Variants in FRMD4A observed in about 807,000 individuals in gnomAD.
The protein encoded by FRMD4A is FERM domain-containing protein 4A.
Under a neutral mutation model 129.1 loss-of-function variants are expected in FRMD4A, and 29 were observed. The observed-to-expected ratio is 0.22, with a 90% CI of 0.17 to 0.31. FRMD4A has a LOEUF of 0.31. Among genes scored for constraint, FRMD4A ranks in the 10% least tolerant of loss-of-function variants. The pLI, the probability that FRMD4A is intolerant of heterozygous loss-of-function variation, is 1.00. For missense variants in FRMD4A, 1,272 were observed against 1,375.8 expected (o/e 0.92, Z 1.19); for synonymous variants, 634 against 571.6 (o/e 1.11, Z -1.56).
chr10:14,292,570 C>T (rs1845881948), intron 2 of FRMD4A, among the ~76,000 whole-genome samples: 1 of 152,150 alleles, frequency 6.6e-6, no homozygotes, highest in Admixed American at 6.5e-5. Flanking sequence ...GAGGCCAAGG[C>T]CAGTGGATCA....
intron 2 of FRMD4A, among the ~76,000 whole-genome samples, chr10:13,944,755 G>A (rs547343613): frequency 6.6e-6 from 1 of 152,182 alleles, no homozygotes; most frequent in African/African-American, 2.4e-5. Flanking sequence ...CATTCTGAAA[G>A]TTCCTTCCGT....
intron 2 of FRMD4A, among the ~76,000 whole-genome samples, chr10:14,260,087 G>C (rs1844748139): frequency 6.6e-6 from 1 of 151,880 alleles, no homozygotes; most frequent in South Asian, 2.1e-4. Context: ...GACTTAAAGG[G>C]AAGGCTATCA....
intron 3 of FRMD4A, among the ~76,000 whole-genome samples, chr10:13,831,396 C>T (rs1476274679): frequency 2.0e-5 from 3 of 152,134 alleles, no homozygotes; most frequent in African/African-American, 7.2e-5. Flanking sequence ...CTGCAGTGAG[C>T]TATGATTGCA....
intron 2 of FRMD4A, among the ~76,000 whole-genome samples, chr10:13,920,349 A>G (rs1207355777): frequency 6.6e-6 from 1 of 152,240 alleles, no homozygotes; most frequent in Non-Finnish European, 1.5e-5. Flanking sequence ...CTCAAAAGCT[A>G]TGATGAGGTT....
chr10:13,932,771 T>A (rs2095212359), intron 2 of FRMD4A, among the ~76,000 whole-genome samples: 1 of 152,120 alleles, frequency 6.6e-6, no homozygotes, highest in Non-Finnish European at 1.5e-5. Context: ...TCATTATAAT[T>A]AAAAAATAGC....
intron 9 of FRMD4A, among the ~76,000 whole-genome samples, chr10:13,744,362 G>A (rs866537855): frequency 1.3e-5 from 2 of 152,250 alleles, no homozygotes; most frequent in Non-Finnish European, 2.9e-5. Context: ...CAGGGAAATC[G>A]CACGGTGTGA....
At position 13,659,274 on chromosome 10, in the gene FRMD4A, A is replaced by G. The variant is rs938471288; in HGVS notation, c.2066+49T>C. On this transcript the variant is annotated intron_variant, in intron 21 of 24. Coordinates refer to ENST00000357447, the MANE Select transcript of FRMD4A (RefSeq NM_018027.5). ...GCCAGCTTGGGGCTGACAATGCCCA[A>G]TTTTAAAAAGGAAGGCTTGGTCTGA... The G allele has an allele frequency of 2.7e-5, 43 of 1,565,930 alleles. No homozygotes were observed. In the East Asian group the frequency reaches 5.8e-4, roughly 21 times the overall value.
At chr10:14,014,686 A>G (rs1334605575) in intron 2 of FRMD4A, among the ~76,000 whole-genome samples, 4 of 151,956 alleles carry the variant, frequency 2.6e-5, no homozygotes, top group Non-Finnish European at 5.9e-5. Flanking sequence ...ATCAAGCAAC[A>G]CTCCTATCAC....
chr10:14,008,479 A>T, intron 2 of FRMD4A: 1 of 998,060 alleles, frequency 1.0e-6, no homozygotes, highest in Non-Finnish European at 1.2e-6. Flanking sequence ...TGGGCAAGTG[A>T]CGCGTCTGGG....
At chr10:13,946,335 T>C (rs1483106210) in intron 2 of FRMD4A, among the ~76,000 whole-genome samples, 1 of 152,218 alleles carries the variant, frequency 6.6e-6, no homozygotes, top group Admixed American at 6.5e-5. Flanking sequence ...TCAGAATCCC[T>C]GTCCCTACCT....
chr10:13,783,095 C>T, intron 5 of FRMD4A, 89 bp from the exon 6 acceptor site: 1 of 728,354 alleles, frequency 1.4e-6, no homozygotes, highest in Non-Finnish European at 2.6e-6. Flanking sequence ...GAGATGAAAG[C>T]TGGCATTCCC....
chr10:14,172,450 C>G (rs1308056575), intron 2 of FRMD4A, among the ~76,000 whole-genome samples: 5 of 152,148 alleles, frequency 3.3e-5, no homozygotes, highest in African/African-American at 1.2e-4. Flanking sequence ...TTAATCGGCT[C>G]ATGGTGTGAT....
intron 2 of FRMD4A, among the ~76,000 whole-genome samples, chr10:14,305,071 G>A (rs573384893): frequency 5.3e-5 from 8 of 152,292 alleles, no homozygotes; most frequent in South Asian, 4.1e-4. Flanking sequence ...CTTAGGGTCC[G>A]CTTCTGGGGG....
At chr10:13,650,159 A>G (rs997681949) in intron 24 of FRMD4A, among the ~76,000 whole-genome samples, 1 of 152,240 alleles carries the variant, frequency 6.6e-6, no homozygotes, top group African/African-American at 2.4e-5. Flanking sequence ...GTGGTTTATA[A>G]CTGCTTGGCA....
intron 8 of FRMD4A, among the ~76,000 whole-genome samples, chr10:13,749,715 G>GTGGTGGCTCATGCCTATAA (rs1468572184): frequency 1.3e-4 from 20 of 152,098 alleles, no homozygotes; most frequent in Non-Finnish European, 2.6e-4. Context: ...GAGGCCAGGC[G>GTGGTGGCTCATGCCTATAA]TGGTGGCTCA....
In FRMD4A at chr10:13,694,473, T is replaced by G. The variant is rs116549606; in HGVS notation, c.976-434A>C. Reference sequence around the variant, plus strand: ...CAACTCCCCTGTCCTCCCCTCTTCCTCCTTATCTGCCTGGCACACAGCTCT... The same window carrying G: ...CAACTCCCCTGTCCTCCCCTCTTCCGCCTTATCTGCCTGGCACACAGCTCT... On this transcript the variant is annotated intron_variant, in intron 14 of 24. Coordinates refer to ENST00000357447, the MANE Select transcript of FRMD4A (RefSeq NM_018027.5). Among the ~76,000 whole-genome samples, 662 of 152,300 alleles carry G rather than the reference T, an allele frequency of 4.3e-3. 5 individuals are homozygous for G. The highest frequency in any genetic ancestry group is 0.015 in the African/African-American group (627 of 41,564).
chr10:14,287,142 C>T (rs976348559), intron 2 of FRMD4A, among the ~76,000 whole-genome samples: 1 of 151,700 alleles, frequency 6.6e-6, no homozygotes, highest in Non-Finnish European at 1.5e-5. Context: ...ACAGGCCCCC[C>T]GCTCCGTGAT....
intron 2 of FRMD4A, among the ~76,000 whole-genome samples, chr10:14,175,183 G>T (rs1296009271): frequency 6.6e-6 from 1 of 152,116 alleles, no homozygotes; most frequent in African/African-American, 2.4e-5. Flanking sequence ...CCATCACCAA[G>T]GGGCCAGGAC....
chr10:14,201,143 C>T (rs927212739), intron 2 of FRMD4A, among the ~76,000 whole-genome samples: 1 of 152,330 alleles, frequency 6.6e-6, no homozygotes, highest in Non-Finnish European at 1.5e-5. Flanking sequence ...GACAGCAGCC[C>T]TGACCCCAGA....
Sources: gnomAD v4.1 joint callset for allele counts (sites outside exome capture counted in the v4.1 genomes callset) on GRCh38, gnomAD v4.1.1 for gene constraint, MANE v1.5 for transcripts, NCBI Gene and HGNC (gene_info 2026-07-23, HGNC 2026-07-21) for gene names.